IFT74: variants seen among roughly 807,000 people sequenced by gnomAD.
The protein encoded by IFT74 is intraflagellar transport 74, also known as intraflagellar transport protein 74 homolog.
A neutral mutation model predicts 96.7 loss-of-function variants in IFT74; 92 were observed. The observed-to-expected ratio is 0.95, with a 90% CI of 0.80 to 1.13. IFT74 has a LOEUF of 1.13. Among genes scored for constraint, IFT74 ranks in the 50% most tolerant of loss-of-function variants. IFT74 has a pLI of 0.00. For synonymous variants in IFT74, 223 were observed against 213.2 expected (o/e 1.05, Z -0.40); for missense variants, 811 against 698.2 (o/e 1.16, Z -1.82).
At chr9:26,993,724 A>T (rs994224405) in intron 8 of IFT74, 12 of 152,170 alleles carry the variant, frequency 7.9e-5, no homozygotes, top group Admixed American at 2.0e-4. Context: ...TACACAACAT[A>T]CACAGAAGTA....
chr9:27,062,716 C>T lies in IFT74; in HGVS notation c.1783C>T (p.His595Tyr), dbSNP rs1251379665. ...EYNKTIVDALHSTSGN is the reference protein window; with the variant it reads ...EYNKTIVDALYSTSGN The stretch of plus-strand genomic sequence containing the variant: ...CAATAAAACCATCGTGGATGCTTTA[C>T]ATAGCACCAGCGGAAACTGAGTTTA... The change falls in exon 20 of 20, where the codon CAT (histidine) becomes TAT (tyrosine). Residue 595 changes from histidine to tyrosine, a missense_variant. Coordinates refer to ENST00000380062, the MANE Select transcript of IFT74 (RefSeq NM_025103.4). 6.3e-7 allele frequency: 1 copy of T among 1,589,822 alleles called. No individual in the cohort carries two copies. Among genetic ancestry groups the T allele is most frequent in the African/African-American group, 1.3e-5 (1 of 74,096 alleles).
chr9:27,027,515 G>A (rs1587378645), intron 12 of IFT74, among the ~76,000 whole-genome samples: 1 of 152,056 alleles, frequency 6.6e-6, no homozygotes, highest in African/African-American at 2.4e-5. Flanking sequence ...ATTCCTAATG[G>A]GTATGAAGCG....
At chr9:27,022,108 T>G (rs920819704) in intron 12 of IFT74, among the ~76,000 whole-genome samples, 4 of 152,168 alleles carry the variant, frequency 2.6e-5, no homozygotes, top group Admixed American at 2.0e-4. Context: ...CACCTTATGT[T>G]TTTTTTGCTT....
At chr9:27,060,045 G>A (rs935725175) in intron 18 of IFT74, among the ~76,000 whole-genome samples, 1 of 152,146 alleles carries the variant, frequency 6.6e-6, no homozygotes, top group Non-Finnish European at 1.5e-5. Context: ...ATCCACATTA[G>A]CTTCCTGTTG....
intron 12 of IFT74, among the ~76,000 whole-genome samples, chr9:27,023,275 G>A (rs1829701723): frequency 6.6e-6 from 1 of 152,168 alleles, no homozygotes. Context: ...CCCCTGTTCA[G>A]TATAATGTTG....
intron 8 of IFT74, among the ~76,000 whole-genome samples, chr9:27,000,546 G>A (rs1383941671): frequency 6.6e-6 from 1 of 152,150 alleles, no homozygotes; most frequent in Non-Finnish European, 1.5e-5. Context: ...TGGGGTACAT[G>A]TGATAAAGTA....
intron 19 of IFT74, among the ~76,000 whole-genome samples, chr9:27,062,010 G>A (rs920551453): frequency 6.6e-6 from 1 of 152,102 alleles, no homozygotes; most frequent in African/African-American, 2.4e-5. Context: ...TCTCTGCCTG[G>A]AGAACTAGAT....
chr9:26,971,474 A>G (rs1269486343), intron 2 of IFT74, among the ~76,000 whole-genome samples: 3 of 152,020 alleles, frequency 2.0e-5, no homozygotes, highest in African/African-American at 7.3e-5. Flanking sequence ...TCTCTCTTTG[A>G]TCTGGTAATA....
chr9:27,050,126 C>T (rs1157523329), intron 16 of IFT74, among the ~76,000 whole-genome samples: 1 of 152,126 alleles, frequency 6.6e-6, no homozygotes, highest in Non-Finnish European at 1.5e-5. Context: ...GGCGTGATCA[C>T]AGCTCACTGC....
intron 8 of IFT74, chr9:26,997,597 G>A (rs1828233399): frequency 4.2e-6 from 4 of 946,752 alleles, no homozygotes; most frequent in Non-Finnish European, 6.1e-6. Flanking sequence ...GCCTCCCATA[G>A]TGATGGGATT....
chr9:26,996,425 C>T (rs1420769900), intron 8 of IFT74: 1 of 1,605,978 alleles, frequency 6.2e-7, no homozygotes, highest in East Asian at 2.2e-5. Context: ...TGGCATTCAG[C>T]CTTATGAGGT....
intron 8 of IFT74, among the ~76,000 whole-genome samples, chr9:27,000,533 T>G (rs922603866): frequency 1.3e-5 from 2 of 152,198 alleles, no homozygotes; most frequent in Non-Finnish European, 2.9e-5. Context: ...ATATACATAG[T>G]TTTGGGGTAC....
intron 8 of IFT74, chr9:26,999,686 G>T (rs765508332): frequency 6.2e-7 from 1 of 1,606,168 alleles, no homozygotes. Flanking sequence ...TGATGCCTGT[G>T]ACTTTCATGT....
At chr9:27,018,748 A>G in intron 12 of IFT74, 61 bp downstream of exon 12, 1 of 1,067,582 alleles carries the variant, frequency 9.4e-7, no homozygotes, top group Non-Finnish European at 1.4e-6. Flanking sequence ...TTACATTCTA[A>G]AGGTACAGGA....
Position 26,984,424 on chromosome 9 carries a change from A to G in IFT74, c.404+69A>G, listed in dbSNP as rs1055496352. The G allele has an allele frequency of 2.0e-4, 322 of 1,579,772 alleles. 1 individual carries two copies. Among genetic ancestry groups the G allele is most frequent in the Non-Finnish European group, 2.7e-4 (314 of 1,156,662 alleles). On this transcript the variant is annotated intron_variant, in intron 5 of 19. Coordinates refer to ENST00000380062, the MANE Select transcript of IFT74 (RefSeq NM_025103.4). ...TAATACTAACTTTGTAGCTATCCATATTGTTTGTAATGTTCATTTTCTTAT... is the reference window on the plus strand; with the variant it reads ...TAATACTAACTTTGTAGCTATCCATGTTGTTTGTAATGTTCATTTTCTTAT...
chr9:27,014,809 G>C (rs10967662), intron 10 of IFT74, among the ~76,000 whole-genome samples: 13,815 of 152,128 alleles, frequency 0.091, 1,695 homozygotes, highest in East Asian at 0.66. Context: ...GGGTTTCACT[G>C]TGTTGGCCAG....
intron 8 of IFT74, chr9:26,996,561 A>G: frequency 8.7e-7 from 1 of 1,148,236 alleles, no homozygotes; most frequent in Non-Finnish European, 1.1e-6. Flanking sequence ...AACATTTTAT[A>G]ATTGTTTTAT....
intron 9 of IFT74, among the ~76,000 whole-genome samples, chr9:27,010,536 C>T (rs1157974691): frequency 6.7e-6 from 1 of 148,378 alleles, no homozygotes; most frequent in Non-Finnish European, 1.5e-5. Flanking sequence ...GTCGCCCGGG[C>T]TGGAGTGCAG....
rs139529545 is a variant in IFT74 at position 27,055,540 on chromosome 9, G to A, written c.1334-69G>A. ...TTAAAAAACATGATTTTTAATAGTT[G>A]CATTACATTTCCTTATGTGAAAGGA... On this transcript the variant is annotated intron_variant, in intron 16 of 19. Transcript: ENST00000380062. 259 of 984,468 alleles carry A rather than the reference G, an allele frequency of 2.6e-4. 5 individuals carry two copies. The East Asian group carries it at 6.5e-3, about 25-fold the overall frequency. 61.0% of individuals were successfully genotyped at this position (984,468 alleles called of 1,614,324 possible). A position where few individuals can be genotyped will look rare whatever the true frequency, so the allele number is the denominator to read the frequency against.
Sources: allele counts gnomAD v4.1 joint callset (sites outside exome capture counted in the v4.1 genomes callset), GRCh38; gene constraint gnomAD v4.1.1; transcripts MANE v1.5; gene names NCBI Gene and HGNC (gene_info 2026-07-23, HGNC 2026-07-21).